Variants in NUP107 observed in about 807,000 individuals in gnomAD.
NUP107 encodes nuclear pore complex protein Nup107.
A neutral mutation model predicts 141.0 loss-of-function variants in NUP107; 101 were observed. The ratio of observed to expected loss-of-function variants is 0.72; its 90% confidence interval spans 0.61 to 0.84. The LOEUF is 0.84. NUP107 is among the 40% of genes least tolerant of loss of function. The pLI is 0.00. For missense variants in NUP107, 941 were observed against 1,102.7 expected (o/e 0.85, Z 2.08); for synonymous variants, 319 against 363.9 (o/e 0.88, Z 1.41).
At position 68,694,246 on chromosome 12, in the gene NUP107, G is replaced by A. The variant is rs552808473; in HGVS notation, c.448+2134G>A. ...CCTGTATTTTCCCAGAGTGGAACAT[G>A]CCATTTAGTATGTATTATAACTTTC... is the stretch of plus-strand genomic sequence containing the variant. On this transcript the variant is annotated intron_variant, in intron 5 of 27. Coordinates refer to ENST00000229179, the MANE Select transcript of NUP107 (RefSeq NM_020401.4). Among the ~76,000 whole-genome samples, 8 of 152,322 alleles carry A rather than the reference G, an allele frequency of 5.3e-5. 1 individual carries two copies. In the South Asian group the frequency reaches 1.7e-3, roughly 32 times the overall value.
In NUP107 at chr12:68,713,767, A is replaced by T; in HGVS notation, c.928A>T (p.Thr310Ser). 1 of 1,610,378 alleles carries T rather than the reference A, an allele frequency of 6.2e-7. No individual in the cohort carries two copies. Among genetic ancestry groups the T allele is most frequent in the Non-Finnish European group, 8.5e-7 (1 of 1,178,802 alleles). ...TLHTLKQRQLTSYVGSVRPLV... is the reference protein window; with the variant it reads ...TLHTLKQRQLSSYVGSVRPLV... ...GCATACCTTAAAACAACGGCAGCTG[A>T]CTTCTTACGTTGGAAGTGTTCGTCC... The change falls in exon 11 of 28, where the codon ACT becomes TCT. Residue 310 changes from threonine to serine, a missense_variant. By Grantham distance (58) the Thr-to-Ser change is moderately conservative. Transcript: ENST00000229179.
At position 68,716,241 on chromosome 12, in the gene NUP107, C is replaced by CTTT. The variant is rs370681977; in HGVS notation, c.1083+502_1083+504dup. ...TTTTTCTTTCTTTCTTTCTTTCTTTCTTTCTTTTTTTTTTTGAGATGGGAT... is the reference window on the plus strand; with the variant it reads ...TTTTTCTTTCTTTCTTTCTTTCTTTCTTTTTTCTTTTTTTTTTTGAGATGGGAT... On this transcript the variant is annotated intron_variant, in intron 12 of 27. Coordinates refer to ENST00000229179, the MANE Select transcript of NUP107 (RefSeq NM_020401.4). Among the ~76,000 whole-genome samples, 188 of 116,746 alleles carry CTTT rather than the reference C, an allele frequency of 1.6e-3. 3 individuals carry two copies. The highest frequency in any genetic ancestry group is 8.1e-3 in the South Asian group (26 of 3,192). 76.6% of individuals were successfully genotyped at this position (116,746 alleles called of 152,430 possible). A position where few individuals can be genotyped will look rare whatever the true frequency, so the allele number is the denominator to read the frequency against.
At chr12:68,705,914 A>C in intron 8 of NUP107, 1 of 893,768 alleles carries the variant, frequency 1.1e-6, no homozygotes, top group Non-Finnish European at 1.9e-6. Flanking sequence ...GTGAAGGAGC[A>C]GATCAAGACC....
intron 7 of NUP107, 88 bp from the exon 8 acceptor site, chr12:68,702,648 C>A: frequency 3.4e-6 from 3 of 872,488 alleles, no homozygotes; most frequent in Non-Finnish European, 5.3e-6. Context: ...AGAAGTTAGC[C>A]AAATTTTCCT....
chr12:68,733,423 C>A, intron 23 of NUP107, 29 bp from the exon 24 acceptor site: 1 of 1,593,204 alleles, frequency 6.3e-7, no homozygotes, highest in South Asian at 1.1e-5. Flanking sequence ...AGTCCGTAGG[C>A]ATTCAAAATT....
At chr12:68,722,556 A>G (rs1176973828) in intron 17 of NUP107, among the ~76,000 whole-genome samples, 4 of 152,182 alleles carry the variant, frequency 2.6e-5, no homozygotes, top group African/African-American at 4.8e-5. Flanking sequence ...TAAAACCTTT[A>G]TAGTAATTTC....
chr12:68,731,844 G>C (rs1374714224), intron 22 of NUP107, 125 bp downstream of exon 22: 1 of 566,258 alleles, frequency 1.8e-6, no homozygotes, highest in African/African-American at 2.0e-5. Context: ...ATGTGTCTTT[G>C]TCAGCCCAGA....
rs777473474 is a variant in NUP107 at position 68,721,161 on chromosome 12, G to A, written c.1295G>A (p.Ser432Asn). 1 of 1,608,292 alleles carries A rather than the reference G, an allele frequency of 6.2e-7. No individual in the cohort carries two copies. Among genetic ancestry groups the A allele is most frequent in the Non-Finnish European group, 8.5e-7 (1 of 1,175,892 alleles). The change falls in exon 15 of 28, where the codon AGT becomes AAT. Residue 432 changes from serine (S) to asparagine (N), a missense_variant. Ser to Asn is a conservative substitution (Grantham distance 46). Transcript: ENST00000229179. ...GAGAGAGCAATTTATGCAGCTTTAA[G>A]TGGGAATCTTAAGCAGGTATGCAAT... Reference protein sequence around the residue: ...RYERAIYAALSGNLKQLLPVC... With the variant: ...RYERAIYAALNGNLKQLLPVC...
chr12:68,725,275 A>AT (rs762386757), intron 17 of NUP107, among the ~76,000 whole-genome samples: 37 of 148,170 alleles, frequency 2.5e-4, no homozygotes, highest in Non-Finnish European at 2.4e-4. Flanking sequence ...CCTGATCACT[A>AT]TTTTTTTTTT....
chr12:68,713,136 G>A (rs1389262943), intron 10 of NUP107, among the ~76,000 whole-genome samples: 1 of 151,630 alleles, frequency 6.6e-6, no homozygotes, highest in Non-Finnish European at 1.5e-5. Flanking sequence ...ACTTTGGGAG[G>A]CTGAGGCAGA....
chr12:68,707,265 T>TC (rs1876633359), intron 8 of NUP107, among the ~76,000 whole-genome samples: 1 of 151,922 alleles, frequency 6.6e-6, no homozygotes, highest in African/African-American at 2.4e-5. Flanking sequence ...AATTTTTTTT[T>TC]CCAAAATAAA....
At chr12:68,693,602 G>C (rs1199081449) in intron 5 of NUP107, among the ~76,000 whole-genome samples, 2 of 152,150 alleles carry the variant, frequency 1.3e-5, no homozygotes, top group South Asian at 4.1e-4. Context: ...ACAGATGGCT[G>C]TCTTCCTCCT....
intron 26 of NUP107, chr12:68,739,865 C>T (rs974836333): frequency 1.3e-5 from 2 of 151,960 alleles, no homozygotes; most frequent in African/African-American, 4.8e-5. Context: ...GGAAATATCC[C>T]TAGTGGAAAT....
chr12:68,691,817 G>A (rs1875800382), intron 4 of NUP107, 151 bp from the exon 5 acceptor site: 1 of 608,576 alleles, frequency 1.6e-6, no homozygotes, highest in Admixed American at 3.8e-5. Flanking sequence ...CTGGGCAACA[G>A]ATCCAGACCT....
rs182872659 is a variant in NUP107 at position 68,735,379 on chromosome 12, A to G, written c.2502+35A>G. 3.4e-5 allele frequency: 48 copies of G among 1,391,946 alleles called. No homozygotes were observed. In the African/African-American group the frequency reaches 6.5e-4, roughly 19 times the overall value. 86.2% of individuals were successfully genotyped at this position (1,391,946 alleles called of 1,614,324 possible). A position where few individuals can be genotyped will look rare whatever the true frequency, so the allele number is the denominator to read the frequency against. ...GTGCATTGTTTATAGCCAAAAACCAAAACACTCACCATGTTCTTTTTTAAA... is the reference window on the plus strand; with the variant it reads ...GTGCATTGTTTATAGCCAAAAACCAGAACACTCACCATGTTCTTTTTTAAA... On this transcript the variant is annotated intron_variant, in intron 26 of 27. Transcript: ENST00000229179.
chr12:68,687,989 G>A (rs1391352552), intron 1 of NUP107, among the ~76,000 whole-genome samples: 1 of 152,118 alleles, frequency 6.6e-6, no homozygotes, highest in Admixed American at 6.6e-5. Context: ...GGGGGCAAAT[G>A]TAGGTCTTTG....
rs1415441917 is a variant in NUP107, at chr12:68,702,685, A to AT, written c.681-49dup. 3.8e-6 allele frequency: 5 copies of AT among 1,308,438 alleles called. No homozygotes were observed. The African/African-American group carries it at 7.6e-5, about 20-fold the overall frequency. 81.1% of individuals were successfully genotyped at this position (1,308,438 alleles called of 1,614,324 possible). ...CTCTCAGATGCTCAGTGGCAAGTTC[A>AT]TTATATTCGTGTGAAATAAGGCTTT... On this transcript the variant is annotated intron_variant, in intron 7 of 27. Transcript: ENST00000229179.
At position 68,712,644 on chromosome 12, in the gene NUP107, G is replaced by GT. The variant is rs568962637; in HGVS notation, c.891-1074dup. On this transcript the variant is annotated intron_variant, in intron 10 of 27. Coordinates refer to ENST00000229179, the MANE Select transcript of NUP107 (RefSeq NM_020401.4). ...TTTTTTTTTTTGTTTTTTGTTTTTT[G>GT]TTTTTTTTTTTTAGTTAAAATGCCC... 5.9e-3 allele frequency among the ~76,000 whole-genome samples: 749 copies of GT among 125,892 alleles called. 10 individuals carry two copies. The highest frequency in any genetic ancestry group is 0.05 in the East Asian group (217 of 4,360). 82.6% of individuals were successfully genotyped at this position (125,892 alleles called of 152,430 possible).
chr12:68,690,840 T>G, intron 4 of NUP107, 94 bp downstream of exon 4: 2 of 1,265,166 alleles, frequency 1.6e-6, no homozygotes, highest in South Asian at 2.8e-5. Context: ...TGACCTCAAG[T>G]GATTCTCCCG....
Sources: gnomAD v4.1 joint callset for allele counts (sites outside exome capture counted in the v4.1 genomes callset) on GRCh38, gnomAD v4.1.1 for gene constraint, MANE v1.5 for transcripts, NCBI Gene and HGNC (gene_info 2026-07-23, HGNC 2026-07-21) for gene names.